The following ACVR1 variants were observed in gnomAD, a reference collection of about 807,000 sequenced individuals.
ACVR1 encodes the protein activin A receptor type 1.
A neutral mutation model predicts 57.1 loss-of-function variants in ACVR1; 38 were observed. That is an observed-to-expected ratio of 0.67 (90% CI 0.51 to 0.87). ACVR1 has a LOEUF of 0.87. Ranked by LOEUF, ACVR1 falls within the 40% of genes least tolerant of loss-of-function variation. The probability of loss-of-function intolerance (pLI) is 0.00; values close to 1 mark genes in which losing one functional copy is unlikely to be tolerated. For synonymous variants in ACVR1, 212 were observed against 228.1 expected (o/e 0.93, Z 0.63); for missense variants, 463 against 638.2 (o/e 0.73, Z 2.96).
intron 3 of ACVR1, among the ~76,000 whole-genome samples, chr2:157,783,377 G>A (rs746819782): frequency 1.1e-4 from 16 of 152,178 alleles, no homozygotes; most frequent in South Asian, 2.1e-4. Flanking sequence ...TTTGCCAGAC[G>A]TGACAGCCTC....
At chr2:157,800,952 A>C (rs1162674941) in intron 2 of ACVR1, among the ~76,000 whole-genome samples, 1 of 151,964 alleles carries the variant, frequency 6.6e-6, no homozygotes, top group Non-Finnish European at 1.5e-5. Context: ...CTCAAAGGTA[A>C]GCCCTTGGTG....
At chr2:157,818,873 T>C (rs2105329700) in intron 1 of ACVR1, among the ~76,000 whole-genome samples, 1 of 151,404 alleles carries the variant, frequency 6.6e-6, no homozygotes, top group East Asian at 1.9e-4. Flanking sequence ...GGTCAGGAGA[T>C]CGAGACCATC....
chr2:157,791,537 C>T (rs1171588827), intron 3 of ACVR1, among the ~76,000 whole-genome samples: 5 of 152,218 alleles, frequency 3.3e-5, no homozygotes, highest in Admixed American at 6.5e-5. Flanking sequence ...CGCTCTAGGG[C>T]TCACTGTGTG....
At chr2:157,857,109 G>T (rs1689560646) in intron 1 of ACVR1, among the ~76,000 whole-genome samples, 1 of 152,074 alleles carries the variant, frequency 6.6e-6, no homozygotes, top group African/African-American at 2.4e-5. Flanking sequence ...GAAGTGGGAG[G>T]ATCACCTGAG....
In ACVR1 at chr2:157,875,889, G is replaced by A. The variant is rs1438668916; in HGVS notation, c.-276C>T. 1.4e-5 allele frequency: 2 copies of A among 147,174 alleles called. No individual in the cohort carries two copies. Among genetic ancestry groups the A allele is most frequent in the African/African-American group, 4.9e-5 (2 of 40,606 alleles). 9.1% of individuals were successfully genotyped at this position (147,174 alleles called of 1,614,324 possible). On this transcript the variant is annotated 5_prime_UTR_variant, in exon 1 of 11. Coordinates refer to ENST00000434821, the MANE Select transcript of ACVR1 (RefSeq NM_001111067.4). Reference sequence around the variant, plus strand: ...TCGGCGCGGCGCGGGGCGGCGCGGGGCGGGGCGGGGCGGTGCAGCCGGCGA... The same window carrying A: ...TCGGCGCGGCGCGGGGCGGCGCGGGACGGGGCGGGGCGGTGCAGCCGGCGA...
chr2:157,759,173 T>C (rs2105692), intron 9 of ACVR1, among the ~76,000 whole-genome samples: 2,684 of 151,616 alleles, frequency 0.018, 66 homozygotes, highest in African/African-American at 0.059. Context: ...CAAAAAGTAA[T>C]CATACAAAGG....
intron 6 of ACVR1, among the ~76,000 whole-genome samples, chr2:157,772,386 C>T (rs898228793): frequency 1.3e-5 from 2 of 152,180 alleles, no homozygotes; most frequent in African/African-American, 2.4e-5. Context: ...CAGTTCATCA[C>T]ATATATTTTT....
chr2:157,777,802 AG>A (rs1416307547), intron 5 of ACVR1, among the ~76,000 whole-genome samples: 1 of 152,230 alleles, frequency 6.6e-6, no homozygotes, highest in African/African-American at 2.4e-5. Context: ...CTAAAAATAG[AG>A]TAACTGAAGA....
chr2:157,756,854 T>C (rs1207744850), intron 9 of ACVR1, among the ~76,000 whole-genome samples: 1 of 151,532 alleles, frequency 6.6e-6, no homozygotes, highest in African/African-American at 2.4e-5. Flanking sequence ...TGTACACACA[T>C]TTATAGCAGC....
intron 9 of ACVR1, among the ~76,000 whole-genome samples, chr2:157,753,159 G>C (rs996378061): frequency 6.6e-6 from 1 of 152,154 alleles, no homozygotes; most frequent in African/African-American, 2.4e-5. Flanking sequence ...AGCAGAGGTA[G>C]CTATTCTTGT....
intron 2 of ACVR1, among the ~76,000 whole-genome samples, chr2:157,811,787 CCAA>C (rs763161183): frequency 8.7e-5 from 13 of 150,230 alleles, no homozygotes; most frequent in African/African-American, 1.3e-4. Context: ...AAAACACCCT[CCAA>C]CAACAACAAC....
chr2:157,773,743 C>T (rs1032779812), intron 6 of ACVR1, among the ~76,000 whole-genome samples: 2 of 152,130 alleles, frequency 1.3e-5, no homozygotes, highest in South Asian at 2.1e-4. Context: ...TAAAGAAGTT[C>T]ATTGTCCAAA....
At chr2:157,796,572 G>C (rs1401153691) in intron 3 of ACVR1, among the ~76,000 whole-genome samples, 1 of 151,868 alleles carries the variant, frequency 6.6e-6, no homozygotes, top group African/African-American at 2.4e-5. Context: ...CAACAAAACC[G>C]TAACAACAAA....
intron 1 of ACVR1, among the ~76,000 whole-genome samples, chr2:157,848,169 T>C (rs1689180997): frequency 6.6e-6 from 1 of 152,158 alleles, no homozygotes; most frequent in East Asian, 1.9e-4. Context: ...TTGGCTCTCT[T>C]CTCATCAAGA....
chr2:157,849,174 G>A (rs1302232043), intron 1 of ACVR1, among the ~76,000 whole-genome samples: 1 of 152,126 alleles, frequency 6.6e-6, no homozygotes, highest in Non-Finnish European at 1.5e-5. Flanking sequence ...TGTTCAATGG[G>A]TTGAATCCAC....
intron 3 of ACVR1, among the ~76,000 whole-genome samples, chr2:157,795,297 A>T (rs1368063962): frequency 1.3e-5 from 2 of 152,078 alleles, no homozygotes; most frequent in Non-Finnish European, 2.9e-5. Flanking sequence ...TGAGGATACT[A>T]GAGTGTATTA....
At chr2:157,825,165 A>G (rs1255260240) in intron 1 of ACVR1, among the ~76,000 whole-genome samples, 1 of 152,200 alleles carries the variant, frequency 6.6e-6, no homozygotes, top group Admixed American at 6.5e-5. Flanking sequence ...AAATAAACAC[A>G]GCCTTTCTGG....
intron 1 of ACVR1, among the ~76,000 whole-genome samples, chr2:157,834,241 G>A (rs1420962842): frequency 6.6e-6 from 1 of 152,160 alleles, no homozygotes. Flanking sequence ...ACAGGTGCGT[G>A]CCACCATGCC....
At chr2:157,784,055 T>C (rs1482710631) in intron 3 of ACVR1, among the ~76,000 whole-genome samples, 5 of 152,216 alleles carry the variant, frequency 3.3e-5, no homozygotes, top group Admixed American at 6.5e-5. Context: ...AAGGTAGTAA[T>C]AGCATTCTCG....
Sources: allele counts gnomAD v4.1 joint callset (sites outside exome capture counted in the v4.1 genomes callset), GRCh38; gene constraint gnomAD v4.1.1; transcripts MANE v1.5; gene names NCBI Gene and HGNC (gene_info 2026-07-23, HGNC 2026-07-21).